Variants in GRIA1 observed in about 807,000 individuals in gnomAD.
The protein encoded by GRIA1 is glutamate receptor 1.
In GRIA1, 31 loss-of-function variants were observed where a neutral mutation model predicts 99.2. The ratio of observed to expected loss-of-function variants is 0.31; its 90% confidence interval spans 0.23 to 0.42. The LOEUF (loss-of-function observed/expected upper bound fraction) is 0.42. Ranked by LOEUF, GRIA1 falls within the 10% of genes least tolerant of loss-of-function variation. The pLI, the probability that GRIA1 is intolerant of heterozygous loss-of-function variation, is 1.00. For synonymous variants in GRIA1, 438 were observed against 432.4 expected (o/e 1.01, Z -0.16); for missense variants, 782 against 1,157.5 (o/e 0.68, Z 4.71).
intron 11 of GRIA1, among the ~76,000 whole-genome samples, chr5:153,743,784 T>G (rs6870761): frequency 0.59 from 90,089 of 152,094 alleles, 27,407 homozygotes; most frequent in East Asian, 0.94. Flanking sequence ...CTTTTGCAAT[T>G]GAACATAACA....
chr5:153,630,101 T>C (rs1752830004), intron 2 of GRIA1, among the ~76,000 whole-genome samples: 1 of 152,224 alleles, frequency 6.6e-6, no homozygotes, highest in Non-Finnish European at 1.5e-5. Context: ...CCCTCTTTTG[T>C]TAAATGGCAA....
At chr5:153,599,941 G>C (rs567040066) in intron 2 of GRIA1, among the ~76,000 whole-genome samples, 1 of 152,226 alleles carries the variant, frequency 6.6e-6, no homozygotes, top group East Asian at 1.9e-4. Flanking sequence ...GAGTCACAGG[G>C]GAAAGGAAGA....
chr5:153,649,707 C>A (rs1224550286), intron 3 of GRIA1, among the ~76,000 whole-genome samples: 1 of 152,102 alleles, frequency 6.6e-6, no homozygotes, highest in Non-Finnish European at 1.5e-5. Context: ...GGTGATCCAC[C>A]CACCTCGACC....
At chr5:153,706,908 A>G (rs900100920) in intron 11 of GRIA1, among the ~76,000 whole-genome samples, 11 of 152,188 alleles carry the variant, frequency 7.2e-5, no homozygotes, top group Admixed American at 1.3e-4. Flanking sequence ...CAGCCTGGCC[A>G]ACATGGTGAA....
upstream of GRIA1, chr5:153,489,728 T>G (rs1326293297): frequency 2.2e-6 from 1 of 453,938 alleles, no homozygotes; most frequent in African/African-American, 2.0e-5. Context: ...TCTAGGAGAG[T>G]CTATGAAGTT....
At chr5:153,552,851 G>A in intron 2 of GRIA1, among the ~76,000 whole-genome samples, 1 of 152,184 alleles carries the variant, frequency 6.6e-6, no homozygotes, top group South Asian at 2.1e-4. Context: ...AGTTCAAAGA[G>A]ATGTCAAAAT....
At chr5:153,659,002 A>AAC (rs1180350155) in intron 5 of GRIA1, among the ~76,000 whole-genome samples, 4 of 151,840 alleles carry the variant, frequency 2.6e-5, no homozygotes, top group Non-Finnish European at 5.9e-5. Context: ...ACAAACAAAA[A>AAC]AAAAACCTTG....
rs1255337332 is a variant in GRIA1 at position 153,748,210 on chromosome 5, G to C, written c.1824-16224G>C. Among the ~76,000 whole-genome samples the C allele has an allele frequency of 2.0e-5, 3 of 152,206 alleles. No individual in the cohort carries two copies. The East Asian group carries it at 5.8e-4, about 29-fold the overall frequency. The stretch of plus-strand genomic sequence containing the variant: ...AATGAAAAAAATAAGAGAAAAGATG[G>C]GTGATGGAGGTAATGATACTTAGAG... On this transcript the variant is annotated intron_variant, in intron 11 of 15. Coordinates refer to ENST00000285900, the MANE Select transcript of GRIA1 (RefSeq NM_000827.4).
intron 2 of GRIA1, among the ~76,000 whole-genome samples, chr5:153,521,430 A>T (rs1367407301): frequency 6.6e-6 from 1 of 152,226 alleles, no homozygotes; most frequent in Non-Finnish European, 1.5e-5. Context: ...ATTTAACTCC[A>T]TGCCCAGCCC....
At chr5:153,554,694 A>C (rs1337149626) in intron 2 of GRIA1, among the ~76,000 whole-genome samples, 1 of 152,154 alleles carries the variant, frequency 6.6e-6, no homozygotes, top group Non-Finnish European at 1.5e-5. Context: ...GGGTTCCCCC[A>C]TGTTGGCCAG....
chr5:153,724,641 G>C (rs1222990631), intron 11 of GRIA1, among the ~76,000 whole-genome samples: 1 of 152,212 alleles, frequency 6.6e-6, no homozygotes, highest in African/African-American at 2.4e-5. Context: ...GGAAGAAAGG[G>C]TATCAGTGAT....
At chr5:153,679,823 A>C (rs1050289055) in intron 7 of GRIA1, among the ~76,000 whole-genome samples, 3 of 152,222 alleles carry the variant, frequency 2.0e-5, no homozygotes, top group African/African-American at 7.2e-5. Flanking sequence ...GGTTGTCTAT[A>C]AGTTAGGCCA....
intron 8 of GRIA1, among the ~76,000 whole-genome samples, chr5:153,697,608 T>C (rs1196412018): frequency 6.6e-6 from 1 of 152,074 alleles, no homozygotes; most frequent in Non-Finnish European, 1.5e-5. Flanking sequence ...AAAAATAAAG[T>C]AAAAGAATGT....
At chr5:153,669,874 A>G (rs1756022406) in intron 5 of GRIA1, among the ~76,000 whole-genome samples, 1 of 152,084 alleles carries the variant, frequency 6.6e-6, no homozygotes, top group South Asian at 2.1e-4. Context: ...TTACACCCCC[A>G]ACATCCCCTT....
At chr5:153,556,184 A>C (rs1760624565) in intron 2 of GRIA1, among the ~76,000 whole-genome samples, 1 of 152,116 alleles carries the variant, frequency 6.6e-6, no homozygotes, top group Non-Finnish European at 1.5e-5. Flanking sequence ...CAGAGCTTTT[A>C]ATTGTTGAAC....
At chr5:153,647,652 T>C (rs1270157443) in intron 3 of GRIA1, among the ~76,000 whole-genome samples, 2 of 152,208 alleles carry the variant, frequency 1.3e-5, no homozygotes, top group East Asian at 3.8e-4. Flanking sequence ...CTATGAAGTG[T>C]TCAGTGCCTA....
chr5:153,672,790 C>T (rs1267977396), intron 5 of GRIA1, among the ~76,000 whole-genome samples: 1 of 152,148 alleles, frequency 6.6e-6, no homozygotes, highest in Non-Finnish European at 1.5e-5. Context: ...CCATGGATCC[C>T]CTGCTCATTT....
At chr5:153,579,846 C>T (rs1268702021) in intron 2 of GRIA1, among the ~76,000 whole-genome samples, 1 of 151,928 alleles carries the variant, frequency 6.6e-6, no homozygotes, top group Admixed American at 6.6e-5. Flanking sequence ...TGTATCAAGA[C>T]CCCTCAGCTC....
At chr5:153,799,384 A>C (rs995895303) in intron 14 of GRIA1, among the ~76,000 whole-genome samples, 3 of 152,252 alleles carry the variant, frequency 2.0e-5, no homozygotes, top group Non-Finnish European at 4.4e-5. Context: ...AAAGAGAGTC[A>C]GTAAAGGCAA....
Sources: allele counts gnomAD v4.1 joint callset (sites outside exome capture counted in the v4.1 genomes callset), GRCh38; gene constraint gnomAD v4.1.1; transcripts MANE v1.5; gene names NCBI Gene and HGNC (gene_info 2026-07-23, HGNC 2026-07-21).